Variants in NPAS3 observed in about 807,000 individuals in gnomAD.
The protein encoded by NPAS3 is neuronal PAS domain-containing protein 3.
NPAS3 carries 14 observed loss-of-function variants against 73.1 expected under a neutral mutation model. That is an observed-to-expected ratio of 0.19 (90% confidence interval 0.13 to 0.30). The LOEUF (loss-of-function observed/expected upper bound fraction) is 0.30. NPAS3 is among the 10% of genes least tolerant of loss of function. The pLI is 1.00. For missense variants in NPAS3, 1,096 were observed against 1,250.0 expected (o/e 0.88, Z 1.86); for synonymous variants, 620 against 541.5 (o/e 1.14, Z -2.01).
chr14:33,222,189 G>C (rs899854189), intron 3 of NPAS3, among the ~76,000 whole-genome samples: 6 of 152,174 alleles, frequency 3.9e-5, no homozygotes, highest in Non-Finnish European at 5.9e-5. Context: ...GTCATGTAAG[G>C]GTCTTCAGGG....
At chr14:33,728,288 A>G (rs2061322081) in intron 6 of NPAS3, among the ~76,000 whole-genome samples, 1 of 152,160 alleles carries the variant, frequency 6.6e-6, no homozygotes, top group Admixed American at 6.5e-5. Context: ...TTGGCAGACT[A>G]TTATTTTCAT....
At chr14:33,341,943 AG>A (rs1447590017) in intron 3 of NPAS3, among the ~76,000 whole-genome samples, 6 of 152,164 alleles carry the variant, frequency 3.9e-5, no homozygotes, top group African/African-American at 1.2e-4. Context: ...TTAAAATTTC[AG>A]TCGTCGTTTC....
chr14:33,079,444 G>A (rs1415244537), intron 2 of NPAS3, among the ~76,000 whole-genome samples: 4 of 150,136 alleles, frequency 2.7e-5, no homozygotes, highest in Non-Finnish European at 5.9e-5. Context: ...TCAGCCTCCC[G>A]AGTAGCTGGG....
At chr14:33,741,044 A>G (rs2061643852) in intron 7 of NPAS3, among the ~76,000 whole-genome samples, 2 of 152,104 alleles carry the variant, frequency 1.3e-5, no homozygotes, top group Non-Finnish European at 2.9e-5. Context: ...TGTAGGGAGC[A>G]ATGTGGTAGT....
intron 6 of NPAS3, among the ~76,000 whole-genome samples, chr14:33,686,676 C>CAGAT (rs1595439738): frequency 6.6e-6 from 1 of 152,124 alleles, no homozygotes; most frequent in East Asian, 1.9e-4. Flanking sequence ...AAAAGTCATA[C>CAGAT]AGATAGTAGG....
At chr14:33,096,900 A>G (rs905439630) in intron 2 of NPAS3, among the ~76,000 whole-genome samples, 4 of 152,152 alleles carry the variant, frequency 2.6e-5, no homozygotes, top group African/African-American at 9.7e-5. Context: ...CACTTTAGTC[A>G]TCTGAAACTC....
At chr14:33,695,971 T>C (rs1485630646) in intron 6 of NPAS3, among the ~76,000 whole-genome samples, 1 of 152,192 alleles carries the variant, frequency 6.6e-6, no homozygotes, top group African/African-American at 2.4e-5. Flanking sequence ...TGTTGAGAAA[T>C]TGACTGTATT....
At chr14:33,529,617 AT>A (rs892631936) in intron 4 of NPAS3, among the ~76,000 whole-genome samples, 25 of 151,774 alleles carry the variant, frequency 1.6e-4, no homozygotes, top group African/African-American at 3.6e-4. Context: ...GACAAGAAAT[AT>A]TTTTTTTCTT....
intron 3 of NPAS3, among the ~76,000 whole-genome samples, chr14:33,348,409 A>T (rs2044853262): frequency 6.6e-6 from 1 of 152,134 alleles, no homozygotes; most frequent in Non-Finnish European, 1.5e-5. Context: ...CCCTATGTAG[A>T]TAGGGAAAAC....
At chr14:32,970,392 A>G (rs958933902) in intron 1 of NPAS3, among the ~76,000 whole-genome samples, 12 of 152,148 alleles carry the variant, frequency 7.9e-5, no homozygotes, top group African/African-American at 2.9e-4. Flanking sequence ...GCACAGTTCC[A>G]TGGTTTTCTC....
At chr14:33,298,184 G>A (rs1474958226) in intron 3 of NPAS3, among the ~76,000 whole-genome samples, 2 of 152,180 alleles carry the variant, frequency 1.3e-5, no homozygotes, top group Non-Finnish European at 2.9e-5. Flanking sequence ...TCGGGAGGCT[G>A]AGACAGGAGA....
At chr14:33,674,387 T>C (rs1472656569) in intron 5 of NPAS3, among the ~76,000 whole-genome samples, 2 of 152,124 alleles carry the variant, frequency 1.3e-5, no homozygotes, top group Non-Finnish European at 2.9e-5. Context: ...AAAACGAGAG[T>C]GACTTCCTCA....
At chr14:33,441,824 G>C (rs1359182076) in intron 4 of NPAS3, among the ~76,000 whole-genome samples, 2 of 152,176 alleles carry the variant, frequency 1.3e-5, no homozygotes, top group Non-Finnish European at 2.9e-5. Context: ...GCAGGTAAGA[G>C]CACCAGTGCA....
At chr14:33,617,939 C>G (rs1458369776) in intron 5 of NPAS3, among the ~76,000 whole-genome samples, 1 of 152,212 alleles carries the variant, frequency 6.6e-6, no homozygotes, top group Non-Finnish European at 1.5e-5. Flanking sequence ...TTGCATCTCT[C>G]CACTAGTAAC....
chr14:32,970,347 C>CA (rs1372105311), intron 1 of NPAS3, among the ~76,000 whole-genome samples: 1 of 152,146 alleles, frequency 6.6e-6, no homozygotes, highest in African/African-American at 2.4e-5. Flanking sequence ...TTTTCCAACT[C>CA]AGAGACCTAA....
chr14:33,513,760 A>G (rs1321996760), intron 4 of NPAS3, among the ~76,000 whole-genome samples: 4 of 151,702 alleles, frequency 2.6e-5, no homozygotes, highest in East Asian at 2.0e-4. Context: ...CTTGACTCCT[A>G]TGATTTGCTG....
chr14:33,148,910 C>T (rs2044344480), intron 2 of NPAS3, among the ~76,000 whole-genome samples: 1 of 152,078 alleles, frequency 6.6e-6, no homozygotes, highest in South Asian at 2.1e-4. Flanking sequence ...TGGTCTCAAA[C>T]TCCTGGGCTC....
At chr14:33,696,074 A>G (rs2060369935) in intron 6 of NPAS3, among the ~76,000 whole-genome samples, 1 of 152,178 alleles carries the variant, frequency 6.6e-6, no homozygotes, top group South Asian at 2.1e-4. Context: ...AGAGTACCAA[A>G]GTTCCTTCTT....
rs573004344 is a variant in NPAS3, at chr14:33,429,730, A to G, written c.468+62462A>G. On this transcript the variant is annotated intron_variant, in intron 4 of 11. Transcript: ENST00000356141. ...ATGAGGATGAGCAATGAGGAAGTTCAAAAGAATGAGCTTTAAGAAACAGAA... is the reference window on the plus strand; with the variant it reads ...ATGAGGATGAGCAATGAGGAAGTTCGAAAGAATGAGCTTTAAGAAACAGAA... 7.4e-4 allele frequency among the ~76,000 whole-genome samples: 112 copies of G among 152,306 alleles called. 1 individual carries two copies. Among genetic ancestry groups the G allele is most frequent in the African/African-American group, 2.4e-3 (100 of 41,596 alleles).
Sources: allele counts gnomAD v4.1 joint callset (sites outside exome capture counted in the v4.1 genomes callset), GRCh38; gene constraint gnomAD v4.1.1; transcripts MANE v1.5; gene names NCBI Gene and HGNC (gene_info 2026-07-23, HGNC 2026-07-21).